Variants in NR3C2 observed in about 807,000 individuals in gnomAD.
The protein encoded by NR3C2 is mineralocorticoid receptor.
A neutral mutation model predicts 86.4 loss-of-function variants in NR3C2; 15 were observed. The ratio of observed to expected loss-of-function variants is 0.17; its 90% CI spans 0.12 to 0.27. NR3C2 has a LOEUF of 0.27. Ranked by LOEUF, NR3C2 falls within the 10% of genes least tolerant of loss-of-function variation. The probability of loss-of-function intolerance (pLI) is 1.00; values close to 1 mark genes in which losing one functional copy is unlikely to be tolerated. For missense variants in NR3C2, 960 were observed against 1,195.6 expected (o/e 0.80, Z 2.91); for synonymous variants, 458 against 450.5 (o/e 1.02, Z -0.21).
intron 2 of NR3C2, among the ~76,000 whole-genome samples, chr4:148,314,869 A>G (rs1011255117): frequency 3.3e-5 from 5 of 152,216 alleles, no homozygotes; most frequent in Non-Finnish European, 7.3e-5. Context: ...TAATTACACA[A>G]TGAACTTTAA....
chr4:148,092,648 A>G (rs898644905), intron 8 of NR3C2, among the ~76,000 whole-genome samples: 4 of 152,170 alleles, frequency 2.6e-5, no homozygotes, highest in African/African-American at 9.7e-5. Flanking sequence ...GAGCATCTTC[A>G]TTTTGTGGCA....
At position 148,337,100 on chromosome 4, in the gene NR3C2, G is replaced by GT. The variant is rs575398781; in HGVS notation, c.1758-76984dup. ...GTGAGCCACCACACCCAGCCACGAA[G>GT]TTTTCATACTGTAATATTATGGAGA... is the stretch of plus-strand genomic sequence containing the variant. On this transcript the variant is annotated intron_variant, in intron 2 of 8. Transcript: ENST00000358102. Among the ~76,000 whole-genome samples, 15 of 152,194 alleles carry GT rather than the reference G, an allele frequency of 9.9e-5. No individual in the cohort carries two copies. In the South Asian group the frequency reaches 2.9e-3, roughly 29 times the overall value.
chr4:148,294,235 T>A (rs1039524509), intron 2 of NR3C2, among the ~76,000 whole-genome samples: 3 of 152,200 alleles, frequency 2.0e-5, no homozygotes, highest in African/African-American at 7.2e-5. Context: ...GGACAGTACT[T>A]GCTCATGGTT....
At chr4:148,276,502 A>G (rs1395847955) in intron 2 of NR3C2, among the ~76,000 whole-genome samples, 1 of 152,176 alleles carries the variant, frequency 6.6e-6, no homozygotes, top group Non-Finnish European at 1.5e-5. Flanking sequence ...TTAAACTAAT[A>G]CTGGTATTAC....
At chr4:148,217,156 C>T (rs918494748) in intron 3 of NR3C2, among the ~76,000 whole-genome samples, 5 of 152,212 alleles carry the variant, frequency 3.3e-5, no homozygotes, top group African/African-American at 1.2e-4. Flanking sequence ...TGCATGACTG[C>T]AATGGGTTCC....
chr4:148,096,929 A>G (rs1414392914), intron 8 of NR3C2, among the ~76,000 whole-genome samples: 5 of 152,264 alleles, frequency 3.3e-5, no homozygotes, highest in Non-Finnish European at 5.9e-5. Context: ...CACAGATTCA[A>G]TAACAGCTTT....
At chr4:148,098,337 G>A (rs1216696075) in intron 8 of NR3C2, among the ~76,000 whole-genome samples, 1 of 152,140 alleles carries the variant, frequency 6.6e-6, no homozygotes, top group Non-Finnish European at 1.5e-5. Flanking sequence ...CAGGCCTGAA[G>A]GATGCTTCTT....
At chr4:148,401,775 C>A (rs2126534446) in intron 2 of NR3C2, among the ~76,000 whole-genome samples, 1 of 152,106 alleles carries the variant, frequency 6.6e-6, no homozygotes, top group Non-Finnish European at 1.5e-5. Context: ...AGTTGTATTT[C>A]TTGAAATAGA....
In NR3C2 at chr4:148,080,233, G is replaced by GGAGT. The variant is rs1730480713; in HGVS notation, c.*1107_*1110dup. On this transcript the variant is annotated 3_prime_UTR_variant, in exon 9 of 9. Transcript: ENST00000358102. Reference sequence around the variant, plus strand: ...TGAAGCAGAAGCCAGAAAACGTGCTGGAGTCCCACAAATGCCCCAAGCGGG... The same window carrying GGAGT: ...TGAAGCAGAAGCCAGAAAACGTGCTGGAGTGAGTCCCACAAATGCCCCAAGCGGG... 6.6e-6 allele frequency: 1 copy of GGAGT among 152,424 alleles called. No individual in the cohort carries two copies. The highest frequency in any genetic ancestry group is 1.5e-5 in the Non-Finnish European group (1 of 68,040). The allele number at this position is 152,424 out of a possible 1,614,324, so 9.4% of individuals were successfully genotyped here.
At chr4:148,421,455 G>C (rs1749276613) in intron 2 of NR3C2, among the ~76,000 whole-genome samples, 1 of 152,126 alleles carries the variant, frequency 6.6e-6, no homozygotes, top group African/African-American at 2.4e-5. Flanking sequence ...GCCCAGGGAA[G>C]GGCACTCCCC....
intron 2 of NR3C2, among the ~76,000 whole-genome samples, chr4:148,384,653 TAC>T (rs1380184480): frequency 6.6e-6 from 1 of 152,210 alleles, no homozygotes; most frequent in Non-Finnish European, 1.5e-5. Flanking sequence ...TAGTGAAAAT[TAC>T]AGTTTTTCCC....
chr4:148,119,240 G>T (rs1357332102), intron 7 of NR3C2, among the ~76,000 whole-genome samples: 5 of 152,100 alleles, frequency 3.3e-5, no homozygotes, highest in Non-Finnish European at 7.4e-5. Context: ...TAAAGGATTG[G>T]AAGGCAAAAC....
chr4:148,343,733 A>G (rs981486164), intron 2 of NR3C2, among the ~76,000 whole-genome samples: 3 of 152,150 alleles, frequency 2.0e-5, no homozygotes, highest in African/African-American at 7.2e-5. Flanking sequence ...TTAGGTAGCA[A>G]AAGCCACTCA....
Position 148,210,178 on chromosome 4 carries a change from T to C in NR3C2, c.1898-15316A>G, listed in dbSNP as rs1323858581. On this transcript the variant is annotated intron_variant, in intron 3 of 8. Coordinates refer to ENST00000358102, the MANE Select transcript of NR3C2 (RefSeq NM_000901.5). ...GGTGTGATACTTCACTAATTTTAGG[T>C]GTTTTTTTGTTTTTGTTTTTGTTTT... Among the ~76,000 whole-genome samples, 3 of 151,928 alleles carry C rather than the reference T, an allele frequency of 2.0e-5. No individual in the cohort carries two copies. In the East Asian group the frequency reaches 5.8e-4, roughly 30 times the overall value.
intron 6 of NR3C2, among the ~76,000 whole-genome samples, chr4:148,145,760 C>G (rs1733839993): frequency 6.6e-6 from 1 of 152,066 alleles, no homozygotes. Flanking sequence ...TCATAGAGTC[C>G]AACGGAAAAA....
chr4:148,256,399 T>C (rs1332256633), intron 3 of NR3C2, among the ~76,000 whole-genome samples: 1 of 152,222 alleles, frequency 6.6e-6, no homozygotes, highest in Non-Finnish European at 1.5e-5. Context: ...CCAGGAACTT[T>C]GGCATTTGTT....
chr4:148,209,233 G>A (rs1737160438), intron 3 of NR3C2, among the ~76,000 whole-genome samples: 1 of 145,686 alleles, frequency 6.9e-6, no homozygotes. Flanking sequence ...AACAGAGTGA[G>A]ACTCAGTCTC....
intron 2 of NR3C2, among the ~76,000 whole-genome samples, chr4:148,401,127 C>T (rs918284746): frequency 2.6e-5 from 4 of 152,216 alleles, no homozygotes; most frequent in African/African-American, 9.6e-5. Context: ...GCATTATAAT[C>T]ACCATGGTGG....
chr4:148,161,828 A>T (rs1036765267), intron 4 of NR3C2, among the ~76,000 whole-genome samples: 1 of 152,204 alleles, frequency 6.6e-6, no homozygotes, highest in African/African-American at 2.4e-5. Context: ...GGGAAGTTGA[A>T]TCGATATATA....
Sources: gnomAD v4.1 joint callset for allele counts (sites outside exome capture counted in the v4.1 genomes callset) on GRCh38, gnomAD v4.1.1 for gene constraint, MANE v1.5 for transcripts, NCBI Gene and HGNC (gene_info 2026-07-23, HGNC 2026-07-21) for gene names.